Variants in CERKL observed in about 807,000 individuals in gnomAD.
CERKL encodes the protein CERK like autophagy regulator, also known as ceramide kinase-like protein.
Under a neutral mutation model 63.4 loss-of-function variants are expected in CERKL, and 61 were observed. The observed-to-expected ratio is 0.96, with a 90% CI of 0.78 to 1.19. The LOEUF (loss-of-function observed/expected upper bound fraction) is 1.19. Ranked by LOEUF, CERKL falls within the 50% of genes most tolerant of loss-of-function variation. The pLI is 0.00. For synonymous variants in CERKL, 250 were observed against 230.5 expected, an observed-to-expected ratio of 1.08 and a Z score of -0.77; for missense variants, 675 against 655.5, an observed-to-expected ratio of 1.03 and a Z score of -0.33.
At chr2:181,634,398 C>T (rs983530741) in intron 1 of CERKL, among the ~76,000 whole-genome samples, 2 of 152,040 alleles carry the variant, frequency 1.3e-5, no homozygotes, top group Admixed American at 1.3e-4. Flanking sequence ...TGATAATATC[C>T]GTATCAAATG....
At position 181,589,359 on chromosome 2, in the gene CERKL, G is replaced by A. The variant is rs542740330; in HGVS notation, c.481+14478C>T. On this transcript the variant is annotated intron_variant, in intron 2 of 12. Coordinates refer to ENST00000410087, the MANE Select transcript of CERKL (RefSeq NM_201548.5). ...CAGCTCTTTTTTTGGCCCCTAGACT[G>A]AAAGTATATATTTCAAGTACTGTGT... Among the ~76,000 whole-genome samples, 3 of 152,286 alleles carry A rather than the reference G, an allele frequency of 2.0e-5. No individual in the cohort carries two copies. In the South Asian group the frequency reaches 6.2e-4, roughly 32 times the overall value.
intron 1 of CERKL, among the ~76,000 whole-genome samples, chr2:181,640,051 C>T (rs1450068355): frequency 6.6e-6 from 1 of 152,082 alleles, no homozygotes; most frequent in African/African-American, 2.4e-5. Context: ...GTTCATAACA[C>T]CATGCCAATG....
chr2:181,637,209 C>T (rs997863729), intron 1 of CERKL, among the ~76,000 whole-genome samples: 1 of 151,996 alleles, frequency 6.6e-6, no homozygotes, highest in Non-Finnish European at 1.5e-5. Flanking sequence ...AATTGCACAA[C>T]CCTTTTGAAA....
chr2:181,544,623 C>G lies in CERKL; in HGVS notation c.1365+77G>C, dbSNP rs181846399. The G allele has an allele frequency of 1.4e-5, 11 of 794,698 alleles. No individual in the cohort carries two copies. In the African/African-American group the frequency reaches 1.9e-4, roughly 14 times the overall value. The allele number at this position is 794,698 out of a possible 1,614,324, so 49.2% of individuals were successfully genotyped here. On this transcript the variant is annotated intron_variant, in intron 11 of 12. Coordinates refer to ENST00000410087, the MANE Select transcript of CERKL (RefSeq NM_201548.5). ...TAAAACCTTCTTATGAGGCAGGATT[C>G]GATGTCAATTCTTGCAGCATCTTTT...
At chr2:181,587,081 T>G (rs866553547) in intron 2 of CERKL, among the ~76,000 whole-genome samples, 1 of 152,208 alleles carries the variant, frequency 6.6e-6, no homozygotes, top group Non-Finnish European at 1.5e-5. Flanking sequence ...TACATAAGAT[T>G]TGACAACTTT....
intron 1 of CERKL, among the ~76,000 whole-genome samples, chr2:181,625,318 A>G (rs1356077123): frequency 1.3e-5 from 2 of 151,994 alleles, no homozygotes; most frequent in Non-Finnish European, 2.9e-5. Context: ...AATGAAAAAC[A>G]GAGTGAATGT....
chr2:181,607,762 C>G (rs930749113), intron 1 of CERKL, among the ~76,000 whole-genome samples: 1 of 152,178 alleles, frequency 6.6e-6, no homozygotes, highest in Non-Finnish European at 1.5e-5. Flanking sequence ...TACCAAAGGT[C>G]CTGAAAAATC....
At chr2:181,551,257 C>A (rs1251603871) in intron 5 of CERKL, among the ~76,000 whole-genome samples, 1 of 152,096 alleles carries the variant, frequency 6.6e-6, no homozygotes, top group East Asian at 1.9e-4. Context: ...AGTTAAGTTG[C>A]AGGACACAAA....
In CERKL at chr2:181,657,042, G is replaced by T. The variant is rs1019213888; in HGVS notation, c.-36C>A. On this transcript the variant is annotated 5_prime_UTR_variant, in exon 1 of 13. Transcript: ENST00000410087. ...CAGGCTGGGCCCGAGCCAGGGGTCCGGGGAGGCCTTTGGAGAAGGAGGTGG... is the reference window on the plus strand; with the variant it reads ...CAGGCTGGGCCCGAGCCAGGGGTCCTGGGAGGCCTTTGGAGAAGGAGGTGG... 2 of 1,540,912 alleles carry T rather than the reference G, an allele frequency of 1.3e-6. No homozygotes were observed. The highest frequency in any genetic ancestry group is 3.7e-5 in the Admixed American group (2 of 53,670).
intron 1 of CERKL, among the ~76,000 whole-genome samples, chr2:181,632,884 C>A (rs936689639): frequency 2.0e-4 from 30 of 152,100 alleles, no homozygotes; most frequent in Non-Finnish European, 2.9e-5. Context: ...CTACTCCAGT[C>A]CTACTCATAG....
intron 11 of CERKL, among the ~76,000 whole-genome samples, chr2:181,541,850 C>T (rs922307025): frequency 1.3e-5 from 2 of 152,132 alleles, no homozygotes; most frequent in African/African-American, 4.8e-5. Flanking sequence ...CACAGAGCAA[C>T]GCAGAAGGAA....
chr2:181,549,828 T>A, intron 5 of CERKL, 120 bp from the exon 6 acceptor site: 1 of 751,904 alleles, frequency 1.3e-6, no homozygotes, highest in Non-Finnish European at 2.4e-6. Flanking sequence ...CGAGAATTTA[T>A]AAAATCAGGA....
intron 2 of CERKL, among the ~76,000 whole-genome samples, chr2:181,590,198 C>T (rs566031531): frequency 2.5e-3 from 384 of 151,724 alleles, no homozygotes; most frequent in Non-Finnish European, 4.7e-3. Flanking sequence ...AGTGCAGTGG[C>T]ACGATCTTGA....
chr2:181,607,630 A>G (rs1042988534), intron 1 of CERKL, among the ~76,000 whole-genome samples: 1 of 152,222 alleles, frequency 6.6e-6, no homozygotes, highest in African/African-American at 2.4e-5. Context: ...TGGTCAGCAT[A>G]TTACCAGTCA....
intron 1 of CERKL, among the ~76,000 whole-genome samples, chr2:181,630,779 T>C (rs570189970): frequency 3.3e-5 from 5 of 152,230 alleles, no homozygotes; most frequent in Non-Finnish European, 7.3e-5. Context: ...CAGACTCCTA[T>C]ACTATCCTGC....
At position 181,537,884 on chromosome 2, in the gene CERKL, T is replaced by C. The variant is rs1256389448; in HGVS notation, c.*300A>G. On this transcript the variant is annotated 3_prime_UTR_variant, in exon 13 of 13. Coordinates refer to ENST00000410087, the MANE Select transcript of CERKL (RefSeq NM_201548.5). ...GCCACACAGCAGGAGGTTAGAGCAA[T>C]GGAGCATTACTGAGTTCCTCCCCCT... The C allele has an allele frequency of 1.8e-6, 1 of 546,086 alleles. No individual in the cohort carries two copies. Among genetic ancestry groups the C allele is most frequent in the Non-Finnish European group, 3.5e-6 (1 of 286,480 alleles). 33.8% of individuals were successfully genotyped at this position (546,086 alleles called of 1,614,324 possible).
intron 3 of CERKL, among the ~76,000 whole-genome samples, chr2:181,572,127 CT>C (rs1450141348): frequency 6.6e-5 from 10 of 152,050 alleles, no homozygotes; most frequent in African/African-American, 1.9e-4. Flanking sequence ...TCCGCCCCCC[CT>C]CCCAACTTTT....
At chr2:181,568,791 C>T (rs910527381) in intron 3 of CERKL, among the ~76,000 whole-genome samples, 9 of 151,002 alleles carry the variant, frequency 6.0e-5, no homozygotes, top group Non-Finnish European at 1.2e-4. Flanking sequence ...CCCACTAACT[C>T]GTCATCTAGC....
chr2:181,631,719 A>G (rs1686965827), intron 1 of CERKL, among the ~76,000 whole-genome samples: 1 of 152,102 alleles, frequency 6.6e-6, no homozygotes, highest in Non-Finnish European at 1.5e-5. Context: ...CCTGCTATTT[A>G]TCCTCTCCAA....
Sources: allele counts gnomAD v4.1 joint callset (sites outside exome capture counted in the v4.1 genomes callset), GRCh38; gene constraint gnomAD v4.1.1; transcripts MANE v1.5; gene names NCBI Gene and HGNC (gene_info 2026-07-23, HGNC 2026-07-21).